The following SRGAP2 variants were observed in gnomAD, a reference collection of about 807,000 sequenced individuals.
The protein encoded by SRGAP2 is SLIT-ROBO Rho GTPase-activating protein 2.
SRGAP2 carries 15 observed loss-of-function variants against 57.2 expected under a neutral mutation model. The ratio of observed to expected loss-of-function variants is 0.26; its 90% CI spans 0.18 to 0.40. SRGAP2 has a LOEUF of 0.40. Ranked by LOEUF, SRGAP2 falls within the 10% of genes least tolerant of loss-of-function variation. The pLI is 1.00. For missense variants in SRGAP2, 520 were observed against 669.6 expected (o/e 0.78, Z 2.47); for synonymous variants, 249 against 248.0 (o/e 1.00, Z -0.04).
At chr1:206,259,789 T>C (rs1195721083) in intron 2 of SRGAP2, among the ~76,000 whole-genome samples, 11 of 144,552 alleles carry the variant, frequency 7.6e-5, no homozygotes, top group Admixed American at 7.6e-4. Context: ...TATTAAATAT[T>C]ATTAAATTTA....
intron 18 of SRGAP2, 102 bp from the exon 19 acceptor site, chr1:206,450,284 A>C (rs904123098): frequency 5.8e-6 from 4 of 691,346 alleles, no homozygotes; most frequent in South Asian, 4.8e-5. Flanking sequence ...AGAGAGCATA[A>C]GATGGATTCA....
chr1:206,409,806 A>G (rs568229004), intron 10 of SRGAP2, among the ~76,000 whole-genome samples: 5 of 150,524 alleles, frequency 3.3e-5, no homozygotes, highest in South Asian at 4.2e-4. Flanking sequence ...AGATTAAAAA[A>G]TAAATAAATC....
chr1:206,312,958 TG>T (rs371943806), intron 3 of SRGAP2, among the ~76,000 whole-genome samples: 5,487 of 99,374 alleles, frequency 0.055, no homozygotes, highest in Non-Finnish European at 0.072. Flanking sequence ...GCTGTTTGTT[TG>T]TTTTTTTTTT....
intron 2 of SRGAP2, among the ~76,000 whole-genome samples, chr1:206,262,881 GTTTT>G (rs564766960): frequency 9.4e-5 from 6 of 63,588 alleles, no homozygotes; most frequent in African/African-American, 2.8e-4. Context: ...CGTGGGTTTT[GTTTT>G]TTTTTTTTTT....
chr1:206,461,724 G>A lies in SRGAP2; in HGVS notation c.*304G>A. On this transcript the variant is annotated 3_prime_UTR_variant, in exon 23 of 23. Transcript: ENST00000573034. ...CTGTGAAATCTGGTAAGGCAGTCCT[G>A]AGGACATGGGCTCAAGTCTCAGTCC... 4 of 304,344 alleles carry A rather than the reference G, an allele frequency of 1.3e-5. No homozygotes were observed. The East Asian group carries it at 2.5e-4, about 19-fold the overall frequency. 18.9% of individuals were successfully genotyped at this position (304,344 alleles called of 1,614,324 possible). A position where few individuals can be genotyped will look rare whatever the true frequency, so the allele number is the denominator to read the frequency against.
At chr1:206,418,579 A>G (rs1659960448) in intron 11 of SRGAP2, among the ~76,000 whole-genome samples, 2 of 152,232 alleles carry the variant, frequency 1.3e-5, no homozygotes, top group Non-Finnish European at 2.9e-5. Context: ...AAAGCAATAT[A>G]TATTACATCA....
intron 2 of SRGAP2, among the ~76,000 whole-genome samples, chr1:206,261,967 CTT>C (rs1669580887): frequency 1.3e-5 from 2 of 152,094 alleles, no homozygotes; most frequent in Non-Finnish European, 2.9e-5. Flanking sequence ...AGAATGAAGT[CTT>C]TTCTCTCTTA....
intron 12 of SRGAP2, 30 bp downstream of exon 12, chr1:206,419,430 G>T (rs781988473): frequency 1.3e-6 from 1 of 780,736 alleles, no homozygotes; most frequent in South Asian, 1.3e-5. Context: ...GGCCTGGGAA[G>T]TGATAGAGGC....
chr1:206,370,901 C>G (rs1480659607), intron 4 of SRGAP2, among the ~76,000 whole-genome samples: 1 of 151,474 alleles, frequency 6.6e-6, no homozygotes, highest in Non-Finnish European at 1.5e-5. Context: ...CATACTGAAG[C>G]TCAGAGAGAT....
intron 14 of SRGAP2, 70 bp downstream of exon 14, chr1:206,430,292 A>T: frequency 2.6e-6 from 2 of 771,070 alleles, no homozygotes; most frequent in Admixed American, 1.7e-5. Flanking sequence ...TTCTTTGTAG[A>T]GTAAGAATAG....
intron 2 of SRGAP2, among the ~76,000 whole-genome samples, chr1:206,260,080 A>G (rs1260095365): frequency 4.5e-5 from 3 of 66,906 alleles, no homozygotes; most frequent in South Asian, 5.6e-4. Context: ...TTTTCAGCAT[A>G]CTGTCACACC....
At chr1:206,321,153 A>G (rs1673430756) in intron 3 of SRGAP2, among the ~76,000 whole-genome samples, 1 of 144,546 alleles carries the variant, frequency 6.9e-6, no homozygotes, top group Admixed American at 6.7e-5. Context: ...ATTTCAAGAC[A>G]TTGACATTGG....
chr1:206,274,735 C>A (rs1670318184), intron 2 of SRGAP2, among the ~76,000 whole-genome samples: 1 of 151,870 alleles, frequency 6.6e-6, no homozygotes, highest in African/African-American at 2.4e-5. Context: ...TGTAAAGATT[C>A]TTTCTTTTAC....
At chr1:206,438,670 G>A (rs782370844) in intron 16 of SRGAP2, among the ~76,000 whole-genome samples, 3 of 152,170 alleles carry the variant, frequency 2.0e-5, no homozygotes, top group Non-Finnish European at 2.9e-5. Context: ...CTAGCCATTT[G>A]GTTTAGCTTG....
chr1:206,205,822 A>C lies in SRGAP2; in HGVS notation c.-149A>C. 1.5e-6 allele frequency: 1 copy of C among 686,098 alleles called. No homozygotes were observed. The highest frequency in any genetic ancestry group is 2.5e-6 in the Non-Finnish European group (1 of 402,718). The allele number at this position is 686,098 out of a possible 1,614,324, so 42.5% of individuals were successfully genotyped here. Reference sequence around the variant, plus strand: ...CGCCGTAGCCGTCTGCCCAGCCCGCAGCCCGCGCTCCACGGAGCGCTGGAG... The same window carrying C: ...CGCCGTAGCCGTCTGCCCAGCCCGCCGCCCGCGCTCCACGGAGCGCTGGAG... On this transcript the variant is annotated 5_prime_UTR_variant, in exon 2 of 23. Coordinates refer to ENST00000573034, the MANE Select transcript of SRGAP2 (RefSeq NM_015326.5).
chr1:206,327,750 T>C (rs1195572078), intron 3 of SRGAP2, among the ~76,000 whole-genome samples: 5 of 114,890 alleles, frequency 4.4e-5, no homozygotes, highest in Non-Finnish European at 6.7e-5. Context: ...AAGAACCAAC[T>C]GGTAAACTGC....
In SRGAP2 at chr1:206,446,298, T is replaced by C. The variant is rs1662753329; in HGVS notation, c.2098T>C (p.Cys700Arg). 1.3e-6 allele frequency: 1 copy of C among 780,586 alleles called. No homozygotes were observed. Among genetic ancestry groups the C allele is most frequent in the Non-Finnish European group, 2.4e-6 (1 of 417,926 alleles). The allele number at this position is 780,586 out of a possible 1,614,324, so 48.4% of individuals were successfully genotyped here. A position where few individuals can be genotyped will look rare whatever the true frequency, so the allele number is the denominator to read the frequency against. ...YSRGGSMEDY[C>R]DSPHGETTSV... ...CAGAGGAGGAAGCATGGAGGATTAC[T>C]GGTAGGGGGGCTTGGGACGGGAGGA... The change falls in exon 18 of 23, where the codon TGT (cysteine) becomes CGT (arginine). Residue 700 changes from cysteine to arginine, a missense_variant and splice_region_variant. Cys to Arg is a radical substitution (Grantham distance 180). Transcript: ENST00000573034.
rs782497493 is a variant in SRGAP2, at chr1:206,438,070, C to T, written c.1740C>T (p.Asp580=). ...RGLEHPLFPK[D]IFHDLMACVT... ...TGGAACACCCTCTCTTCCCCAAGGA[C>T]ATCTTTCATGACCTGATGGCCTGCG... The change falls in exon 16 of 23, where the codon GAC becomes GAT. Residue 580 remains aspartate, a synonymous_variant. Transcript: ENST00000573034. 1 of 780,856 alleles carries T rather than the reference C, an allele frequency of 1.3e-6. No homozygotes were observed. The highest frequency in any genetic ancestry group is 1.3e-5 in the South Asian group (1 of 74,612). 48.4% of individuals were successfully genotyped at this position (780,856 alleles called of 1,614,324 possible).
chr1:206,285,423 G>A (rs1357292526), intron 2 of SRGAP2, among the ~76,000 whole-genome samples: 31 of 152,160 alleles, frequency 2.0e-4, no homozygotes, highest in Non-Finnish European at 3.8e-4. Flanking sequence ...CCTTCCCCAT[G>A]GCTGCCTGGA....
Sources: allele counts gnomAD v4.1 joint callset (sites outside exome capture counted in the v4.1 genomes callset), GRCh38; gene constraint gnomAD v4.1.1; transcripts MANE v1.5; gene names NCBI Gene and HGNC (gene_info 2026-07-23, HGNC 2026-07-21).